ABTB3: variants seen among roughly 807,000 people sequenced by gnomAD.
ABTB3 encodes the protein ankyrin repeat- and BTB/POZ domain-containing protein 3.
chr12:107,474,064 G>A, the ABTB3 span, among the ~76,000 whole-genome samples: 2,921 of 152,298 alleles, frequency 0.019, 55 homozygotes, highest in Non-Finnish European at 0.023. Context: ...GATTACAGGC[G>A]TGAGCCACTG....
chr12:107,359,383 G>A, the ABTB3 span, among the ~76,000 whole-genome samples: 8 of 152,144 alleles, frequency 5.3e-5, no homozygotes, highest in East Asian at 1.9e-4. Flanking sequence ...GGGCTTCTAG[G>A]CACCTGCTCC....
the ABTB3 span, among the ~76,000 whole-genome samples, chr12:107,470,010 TTC>T: frequency 6.5e-3 from 370 of 57,124 alleles, 29 homozygotes; most frequent in South Asian, 0.022. Flanking sequence ...CTTTCTTTCT[TTC>T]TCTCTCTCTC....
chr12:107,612,185 G>A, the ABTB3 span, among the ~76,000 whole-genome samples: 2 of 152,192 alleles, frequency 1.3e-5, no homozygotes, highest in African/African-American at 4.8e-5. Flanking sequence ...TCTGTTGGTT[G>A]AGATGCTTCG....
At chr12:107,540,632 C>G in the ABTB3 span, among the ~76,000 whole-genome samples, 1 of 152,166 alleles carries the variant, frequency 6.6e-6, no homozygotes, top group South Asian at 2.1e-4. Flanking sequence ...CCTGACGAAG[C>G]CTTAGGACTT....
chr12:107,645,503 A>G, the ABTB3 span, among the ~76,000 whole-genome samples: 1 of 112,082 alleles, frequency 8.9e-6, no homozygotes, highest in South Asian at 3.3e-4. Flanking sequence ...TGACTCCCAG[A>G]CCTGTTCTCT....
the ABTB3 span, among the ~76,000 whole-genome samples, chr12:107,637,271 AG>A: frequency 6.6e-6 from 1 of 152,226 alleles, no homozygotes; most frequent in Admixed American, 6.5e-5. Flanking sequence ...GCATGCCTAT[AG>A]TCCCAGCTAC....
chr12:107,562,173 A>C, the ABTB3 span, among the ~76,000 whole-genome samples: 2 of 152,220 alleles, frequency 1.3e-5, no homozygotes, highest in Non-Finnish European at 2.9e-5. Flanking sequence ...TTTACCATAC[A>C]ACAGGCAAAA....
the ABTB3 span, among the ~76,000 whole-genome samples, chr12:107,436,676 T>C: frequency 4.6e-5 from 7 of 152,222 alleles, no homozygotes; most frequent in African/African-American, 7.2e-5. Context: ...GTGGGCACAG[T>C]ATCCAGAGGG....
At chr12:107,629,802 A>G in the ABTB3 span, among the ~76,000 whole-genome samples, 5 of 152,184 alleles carry the variant, frequency 3.3e-5, no homozygotes, top group Non-Finnish European at 7.3e-5. Context: ...CGCCTCCAGA[A>G]TGGAGCAAGC....
chr12:107,340,069 T>A, the ABTB3 span, among the ~76,000 whole-genome samples: 2 of 152,174 alleles, frequency 1.3e-5, no homozygotes, highest in African/African-American at 4.8e-5. Flanking sequence ...GACTTTTTTT[T>A]TTTGCCCCCC....
chr12:107,533,628 A>G, the ABTB3 span, among the ~76,000 whole-genome samples: 40 of 152,354 alleles, frequency 2.6e-4, no homozygotes, highest in East Asian at 6.6e-3. Flanking sequence ...GATATATAAA[A>G]CAAACATTAT....
the ABTB3 span, among the ~76,000 whole-genome samples, chr12:107,331,323 G>T: frequency 6.6e-6 from 1 of 152,214 alleles, no homozygotes; most frequent in South Asian, 2.1e-4. Flanking sequence ...CATGGAGCTT[G>T]CAGGCTTGAG....
the ABTB3 span, among the ~76,000 whole-genome samples, chr12:107,578,845 G>C: frequency 6.6e-6 from 1 of 152,162 alleles, no homozygotes; most frequent in South Asian, 2.1e-4. Context: ...AGGTCCACAG[G>C]TCCAGAAACT....
chr12:107,542,908 A>G, the ABTB3 span, among the ~76,000 whole-genome samples: 3 of 152,126 alleles, frequency 2.0e-5, no homozygotes, highest in African/African-American at 7.2e-5. Context: ...CCAGGAGGAG[A>G]AGGAAAAGGA....
At chr12:107,607,296 G>A in the ABTB3 span, among the ~76,000 whole-genome samples, 1 of 152,234 alleles carries the variant, frequency 6.6e-6, no homozygotes, top group Non-Finnish European at 1.5e-5. Flanking sequence ...CCCATGAGGT[G>A]TGCCAAGAAG....
chr12:107,545,526 A>C, the ABTB3 span, among the ~76,000 whole-genome samples: 1 of 152,276 alleles, frequency 6.6e-6, no homozygotes, highest in African/African-American at 2.4e-5. Context: ...TTACAGGGTG[A>C]GCAATCATGC....
chr12:107,331,485 A>AG, the ABTB3 span, among the ~76,000 whole-genome samples: 1 of 152,158 alleles, frequency 6.6e-6, no homozygotes, highest in Non-Finnish European at 1.5e-5. Context: ...GCCTGCAAGG[A>AG]GGGGAGCTGC....
chr12:107,523,066 T>C, the ABTB3 span, among the ~76,000 whole-genome samples: 1 of 152,182 alleles, frequency 6.6e-6, no homozygotes, highest in Non-Finnish European at 1.5e-5. Context: ...AAATGCTAGA[T>C]TGTGTTAAAG....
the ABTB3 span, among the ~76,000 whole-genome samples, chr12:107,627,374 C>A: frequency 6.6e-6 from 1 of 152,204 alleles, no homozygotes; most frequent in African/African-American, 2.4e-5. Flanking sequence ...CACTGTGTGC[C>A]AGGTGCCATT....
Sources: allele counts gnomAD v4.1 joint callset (sites outside exome capture counted in the v4.1 genomes callset), GRCh38; gene constraint gnomAD v4.1.1; transcripts MANE v1.5; gene names NCBI Gene and HGNC (gene_info 2026-07-23, HGNC 2026-07-21).